Variants in AGPAT3 observed in about 807,000 individuals in gnomAD.
The protein encoded by AGPAT3 is 1-acylglycerol-3-phosphate O-acyltransferase 3.
A neutral mutation model predicts 47.3 loss-of-function variants in AGPAT3; 5 were observed. The ratio of observed to expected loss-of-function variants is 0.11; its 90% CI spans 0.06 to 0.22. The LOEUF (loss-of-function observed/expected upper bound fraction) is 0.22, where lower values mean the gene tolerates loss of function less well. AGPAT3 is among the 10% of genes least tolerant of loss of function. The pLI is 1.00. For synonymous variants in AGPAT3, 212 were observed against 208.3 expected (o/e 1.02, Z -0.15); for missense variants, 315 against 493.0 (o/e 0.64, Z 3.42).
intron 2 of AGPAT3, among the ~76,000 whole-genome samples, chr21:43,909,298 T>C (rs2146079194): frequency 6.8e-6 from 1 of 146,772 alleles, no homozygotes; most frequent in East Asian, 2.0e-4. Context: ...ACACATTTTT[T>C]TTTTTTTTTT....
At chr21:43,907,252 C>T (rs768808937) in intron 2 of AGPAT3, among the ~76,000 whole-genome samples, 11 of 152,040 alleles carry the variant, frequency 7.2e-5, no homozygotes, top group Non-Finnish European at 1.3e-4. Flanking sequence ...TGATCTTGAA[C>T]TCCTGGGCTC....
In AGPAT3 at chr21:43,869,651, C is replaced by T. The variant is rs77732845; in HGVS notation, c.-112+4306C>T. Among the ~76,000 whole-genome samples, 94 of 152,268 alleles carry T rather than the reference C, an allele frequency of 6.2e-4. No homozygotes were observed. The East Asian group carries it at 0.018, about 29-fold the overall frequency. ...GGGAGCAGTGCTGGGGAGGAGGAGC[C>T]TCAGACCCAGCCCTGAGTTAGGCAC... On this transcript the variant is annotated intron_variant, in intron 1 of 9. Transcript: ENST00000291572.
chr21:43,921,802 T>C (rs116832867), intron 2 of AGPAT3, among the ~76,000 whole-genome samples: 19 of 152,034 alleles, frequency 1.2e-4, no homozygotes, highest in East Asian at 1.9e-4. Context: ...CTTTTTTTTT[T>C]CCCCCAGGGA....
intron 2 of AGPAT3, among the ~76,000 whole-genome samples, 174 bp downstream of exon 2, chr21:43,904,193 C>A (rs2086431322): frequency 6.6e-6 from 1 of 152,018 alleles, no homozygotes; most frequent in Non-Finnish European, 1.5e-5. Context: ...TGCTTATGAC[C>A]AACAGAATAT....
At chr21:43,947,857 C>A (rs2087977665) in intron 2 of AGPAT3, among the ~76,000 whole-genome samples, 2 of 152,050 alleles carry the variant, frequency 1.3e-5, no homozygotes. Context: ...GTTGGTGAGA[C>A]CATCACCATG....
intron 1 of AGPAT3, among the ~76,000 whole-genome samples, chr21:43,872,641 T>TG (rs1357262777): frequency 6.6e-6 from 1 of 152,214 alleles, no homozygotes; most frequent in East Asian, 1.9e-4. Context: ...TCACGTCATG[T>TG]GGGAGTGGTG....
chr21:43,901,216 T>A (rs999698896), intron 1 of AGPAT3, among the ~76,000 whole-genome samples: 1 of 151,570 alleles, frequency 6.6e-6, no homozygotes, highest in Non-Finnish European at 1.5e-5. Context: ...TGCCAGCTAC[T>A]CAACGGCAGA....
At chr21:43,884,763 G>A (rs1419322287) in intron 1 of AGPAT3, among the ~76,000 whole-genome samples, 1 of 152,126 alleles carries the variant, frequency 6.6e-6, no homozygotes, top group East Asian at 1.9e-4. Flanking sequence ...TGGGTGCTGG[G>A]TGGCCTGGTG....
At chr21:43,871,901 G>A (rs910702169) in intron 1 of AGPAT3, among the ~76,000 whole-genome samples, 16 of 152,272 alleles carry the variant, frequency 1.1e-4, no homozygotes, top group African/African-American at 3.6e-4. Context: ...TTAATGTAAT[G>A]TATAATTTTA....
Position 43,933,353 on chromosome 21 carries a change from C to T in AGPAT3, c.-48-26281C>T, listed in dbSNP as rs1238793463. On this transcript the variant is annotated intron_variant, in intron 2 of 9. Coordinates refer to ENST00000291572, the MANE Select transcript of AGPAT3 (RefSeq NM_020132.5). This position sits in a 1 kb window ranked among gnomAD's most constrained non-coding sequence, Gnocchi z 6.0. ...CTTGCGGGTCGTCTCTTTACCCTGT[C>T]GTTCCCTTTGTCATGCAGAAGCTGT... is the stretch of plus-strand genomic sequence containing the variant. Among the ~76,000 whole-genome samples the T allele has an allele frequency of 6.6e-6, 1 of 152,172 alleles. No homozygotes were observed. Among genetic ancestry groups the T allele is most frequent in the East Asian group, 1.9e-4 (1 of 5,196 alleles).
rs557097363 is a variant in AGPAT3 at position 43,980,231 on chromosome 21, G to A, written c.844-758G>A. ...ACAGAGGTTGCAGTGAGCCGAGATC[G>A]TACCACTGCACTCCAGCCTGGGCGA... On this transcript the variant is annotated intron_variant, in intron 8 of 9. Coordinates refer to ENST00000291572, the MANE Select transcript of AGPAT3 (RefSeq NM_020132.5). 5.7e-4 allele frequency among the ~76,000 whole-genome samples: 82 copies of A among 142,846 alleles called. 1 individual carries two copies. Among genetic ancestry groups the A allele is most frequent in the Middle Eastern group, 7.6e-3 (2 of 262 alleles). The allele number at this position is 142,846 out of a possible 152,430, so 93.7% of individuals were successfully genotyped here.
At chr21:43,896,272 C>T (rs2086215491) in intron 1 of AGPAT3, among the ~76,000 whole-genome samples, 1 of 151,976 alleles carries the variant, frequency 6.6e-6, no homozygotes, top group African/African-American at 2.4e-5. Context: ...CTTTTTTTTC[C>T]CCTCGTTTAA....
intron 2 of AGPAT3, among the ~76,000 whole-genome samples, chr21:43,958,650 TGTG>T (rs905529605): frequency 4.0e-5 from 6 of 149,418 alleles, no homozygotes; most frequent in African/African-American, 9.9e-5. Context: ...TGTGGTGTGG[TGTG>T]GTATATGTAG....
intron 2 of AGPAT3, among the ~76,000 whole-genome samples, chr21:43,940,357 C>G (rs1160706452): frequency 6.6e-6 from 1 of 152,252 alleles, no homozygotes; most frequent in Non-Finnish European, 1.5e-5. Flanking sequence ...GCCCGGGGGC[C>G]TGGGCAGTCC....
intron 2 of AGPAT3, among the ~76,000 whole-genome samples, chr21:43,921,555 C>T (rs901774104): frequency 2.6e-5 from 4 of 152,134 alleles, no homozygotes; most frequent in African/African-American, 9.7e-5. Context: ...AATCCCCACC[C>T]GTTTTGGTGA....
intron 2 of AGPAT3, among the ~76,000 whole-genome samples, chr21:43,918,743 A>AT (rs2086820730): frequency 6.6e-6 from 1 of 151,840 alleles, no homozygotes; most frequent in Non-Finnish European, 1.5e-5. Context: ...CGCCCAGCTA[A>AT]TTTTTCTATT....
chr21:43,974,062 G>T (rs542805223), intron 7 of AGPAT3, among the ~76,000 whole-genome samples: 4 of 151,954 alleles, frequency 2.6e-5, no homozygotes, highest in Non-Finnish European at 2.9e-5. Flanking sequence ...GGCATGTGTG[G>T]GTGTGTGTGT....
Position 43,981,377 on chromosome 21 carries a change from G to A in AGPAT3, c.1042+190G>A, listed in dbSNP as rs976383895. 14 of 662,424 alleles carry A rather than the reference G, an allele frequency of 2.1e-5. No individual in the cohort carries two copies. Among genetic ancestry groups the A allele is most frequent in the African/African-American group, 9.1e-5 (5 of 55,154 alleles). 41.0% of individuals were successfully genotyped at this position (662,424 alleles called of 1,614,324 possible). A position where few individuals can be genotyped will look rare whatever the true frequency, so the allele number is the denominator to read the frequency against. Reference sequence around the variant, plus strand: ...GGATTCTTGCACTGAGCTGAGGGTCGCCTCCCCAGAGAGCCGAACGGCCGC... The same window carrying A: ...GGATTCTTGCACTGAGCTGAGGGTCACCTCCCCAGAGAGCCGAACGGCCGC... On this transcript the variant is annotated intron_variant, in intron 9 of 9. Transcript: ENST00000291572. This position sits in a 1 kb window ranked among gnomAD's most constrained non-coding sequence, Gnocchi z 5.3.
chr21:43,894,117 G>A (rs1436925918), intron 1 of AGPAT3, among the ~76,000 whole-genome samples: 7 of 152,014 alleles, frequency 4.6e-5, no homozygotes, highest in African/African-American at 9.7e-5. Flanking sequence ...AGACTGCTCC[G>A]TAATTATCCT....
Sources: gnomAD v4.1 joint callset for allele counts (sites outside exome capture counted in the v4.1 genomes callset) on GRCh38, gnomAD v4.1.1 for gene constraint, Gnocchi (gnomAD v3.1) non-coding constraint, MANE v1.5 for transcripts, NCBI Gene and HGNC (gene_info 2026-07-23, HGNC 2026-07-21) for gene names.